ME1: variants seen among roughly 807,000 people sequenced by gnomAD.
ME1 encodes the protein malic enzyme 1.
Under a neutral mutation model 66.4 loss-of-function variants are expected in ME1, and 74 were observed. The ratio of observed to expected loss-of-function variants is 1.11; its 90% CI spans 0.92 to 1.35. ME1 has a LOEUF of 1.35. Among genes scored for constraint, ME1 ranks in the 40% most tolerant of loss-of-function variants. ME1 has a pLI of 0.00. For synonymous variants in ME1, 251 were observed against 235.6 expected, an observed-to-expected ratio of 1.07 and a Z score of -0.60; for missense variants, 750 against 694.1, an observed-to-expected ratio of 1.08 and a Z score of -0.90.
chr6:83,397,562 T>C (rs1447099621), intron 3 of ME1, among the ~76,000 whole-genome samples: 1 of 152,144 alleles, frequency 6.6e-6, no homozygotes, highest in Admixed American at 6.5e-5. Context: ...GAAAACAGTA[T>C]GGAAGCTTCT....
chr6:83,259,432 G>T (rs1766841887), intron 6 of ME1, among the ~76,000 whole-genome samples: 1 of 152,180 alleles, frequency 6.6e-6, no homozygotes, highest in Admixed American at 6.6e-5. Flanking sequence ...CATGAATTAG[G>T]TGAGACTTAA....
intron 6 of ME1, among the ~76,000 whole-genome samples, chr6:83,277,756 T>C (rs1221967751): frequency 6.6e-6 from 1 of 151,576 alleles, no homozygotes; most frequent in Non-Finnish European, 1.5e-5. Context: ...ACAAAAATTA[T>C]CCTAGCGTGG....
chr6:83,360,836 G>A (rs896814440), intron 3 of ME1, among the ~76,000 whole-genome samples: 2 of 152,218 alleles, frequency 1.3e-5, no homozygotes, highest in Non-Finnish European at 2.9e-5. Flanking sequence ...TGCAGCTGCT[G>A]TACCTGTACC....
At chr6:83,412,679 A>G (rs1331957604) in intron 1 of ME1, among the ~76,000 whole-genome samples, 1 of 152,126 alleles carries the variant, frequency 6.6e-6, no homozygotes, top group African/African-American at 2.4e-5. Flanking sequence ...AAACAAAACT[A>G]TTGATACACA....
At chr6:83,309,909 A>G (rs994697162) in intron 6 of ME1, among the ~76,000 whole-genome samples, 1 of 152,050 alleles carries the variant, frequency 6.6e-6, no homozygotes, top group Non-Finnish European at 1.5e-5. Flanking sequence ...GAAATTCTGT[A>G]TGTTGGGCTT....
intron 5 of ME1, among the ~76,000 whole-genome samples, chr6:83,321,659 T>C (rs962648610): frequency 6.6e-6 from 1 of 152,186 alleles, no homozygotes; most frequent in African/African-American, 2.4e-5. Context: ...AGTCAGGGTC[T>C]TATAGATAAA....
intron 11 of ME1, among the ~76,000 whole-genome samples, chr6:83,224,683 C>CA (rs58210396): frequency 0.33 from 34,265 of 102,376 alleles, 4,829 homozygotes; most frequent in Middle Eastern, 0.44. Flanking sequence ...GATTCCAGCT[C>CA]AAAAAAAAAA....
intron 6 of ME1, among the ~76,000 whole-genome samples, chr6:83,264,107 C>T (rs1040880537): frequency 2.0e-5 from 3 of 152,168 alleles, no homozygotes; most frequent in African/African-American, 7.2e-5. Context: ...AGCCAATGCT[C>T]ATTCACCATT....
At chr6:83,430,276 C>A (rs1454253326) in intron 1 of ME1, among the ~76,000 whole-genome samples, 1 of 152,190 alleles carries the variant, frequency 6.6e-6, no homozygotes, top group Non-Finnish European at 1.5e-5. Flanking sequence ...TTCTACCAAG[C>A]CATGCAAAGT....
chr6:83,311,613 A>G (rs1054682287), intron 6 of ME1, among the ~76,000 whole-genome samples: 12 of 152,140 alleles, frequency 7.9e-5, no homozygotes, highest in African/African-American at 2.7e-4. Context: ...AAAACACACC[A>G]TTTCCCAAAG....
rs116618846 is a variant in ME1, at chr6:83,341,786, C to T, written c.600+4387G>A. Among the ~76,000 whole-genome samples, 989 of 152,272 alleles carry T rather than the reference C, an allele frequency of 6.5e-3. 9 individuals are homozygous for T. Among genetic ancestry groups the T allele is most frequent in the African/African-American group, 0.023 (937 of 41,534 alleles). ...ACCCTAACTTTCTACGCCTAAGTAA[C>T]AAAATGACCAGAGGCTACTCCCTTT... On this transcript the variant is annotated intron_variant, in intron 5 of 13. Transcript: ENST00000369705.
chr6:83,377,613 T>C (rs1769318279), intron 3 of ME1, among the ~76,000 whole-genome samples: 1 of 151,856 alleles, frequency 6.6e-6, no homozygotes, highest in Non-Finnish European at 1.5e-5. Flanking sequence ...ACTTTTAAAC[T>C]CCCAAATATA....
intron 5 of ME1, among the ~76,000 whole-genome samples, chr6:83,330,743 A>AC (rs1768390567): frequency 6.6e-6 from 1 of 152,152 alleles, no homozygotes; most frequent in Admixed American, 6.5e-5. Context: ...CTAAAGAAAG[A>AC]CCCCATTCTC....
intron 5 of ME1, among the ~76,000 whole-genome samples, chr6:83,330,659 T>C (rs1768388142): frequency 6.6e-6 from 1 of 152,212 alleles, no homozygotes; most frequent in Non-Finnish European, 1.5e-5. Context: ...TTTTGTTCTA[T>C]ACAATCAGTA....
chr6:83,215,346 G>A (rs9444045), intron 13 of ME1, among the ~76,000 whole-genome samples: 19,370 of 152,160 alleles, frequency 0.13, 1,580 homozygotes, highest in East Asian at 0.25. Flanking sequence ...CTAGTGGGCA[G>A]AGGCCAGGAA....
chr6:83,341,283 C>T (rs1036461302), intron 5 of ME1, among the ~76,000 whole-genome samples: 2 of 152,180 alleles, frequency 1.3e-5, no homozygotes, highest in Non-Finnish European at 2.9e-5. Context: ...CTCTTCTAGA[C>T]TCTTCCCTAT....
chr6:83,272,611 C>T (rs747234800), intron 6 of ME1, among the ~76,000 whole-genome samples: 19 of 151,874 alleles, frequency 1.3e-4, no homozygotes, highest in African/African-American at 3.4e-4. Context: ...TTTTCTTTTA[C>T]GGGTGATTGG....
intron 5 of ME1, among the ~76,000 whole-genome samples, chr6:83,339,845 A>G (rs1361832820): frequency 8.4e-6 from 1 of 119,286 alleles, no homozygotes; most frequent in Non-Finnish European, 1.7e-5. Context: ...GGGGAGGGAT[A>G]GCATTGGGAG....
chr6:83,256,648 C>G (rs1380065766), intron 6 of ME1, among the ~76,000 whole-genome samples: 1 of 151,964 alleles, frequency 6.6e-6, no homozygotes, highest in Admixed American at 6.6e-5. Flanking sequence ...CCTCAAGGAT[C>G]TAGAATCAGA....
Sources: allele counts gnomAD v4.1 joint callset (sites outside exome capture counted in the v4.1 genomes callset), GRCh38; gene constraint gnomAD v4.1.1; transcripts MANE v1.5; gene names NCBI Gene and HGNC (gene_info 2026-07-23, HGNC 2026-07-21).